VPS50: variants seen among roughly 807,000 people sequenced by gnomAD.
VPS50 encodes the protein VPS50 subunit of EARP/GARPII complex.
A neutral mutation model predicts 139.7 loss-of-function variants in VPS50; 70 were observed. That is an observed-to-expected ratio of 0.50 (90% CI 0.41 to 0.61). VPS50 has a LOEUF of 0.61. Among genes scored for constraint, VPS50 ranks in the 20% least tolerant of loss-of-function variants. The pLI is 0.00. For synonymous variants in VPS50, 365 were observed against 376.7 expected (o/e 0.97, Z 0.36); for missense variants, 921 against 1,133.7 (o/e 0.81, Z 2.69).
chr7:93,328,851 A>G (rs958636919), intron 21 of VPS50, among the ~76,000 whole-genome samples: 2 of 152,214 alleles, frequency 1.3e-5, no homozygotes, highest in Non-Finnish European at 2.9e-5. Flanking sequence ...CAGTCCACCT[A>G]TATCTCGGAC....
chr7:93,345,493 C>T (rs1449370372), intron 23 of VPS50, among the ~76,000 whole-genome samples: 2 of 152,166 alleles, frequency 1.3e-5, no homozygotes, highest in African/African-American at 2.4e-5. Flanking sequence ...CAGCATCATC[C>T]TGATACCAAA....
At chr7:93,337,159 G>A (rs1312269203) in intron 22 of VPS50, among the ~76,000 whole-genome samples, 1 of 152,102 alleles carries the variant, frequency 6.6e-6, no homozygotes, top group African/African-American at 2.4e-5. Context: ...TAGTCTTTAA[G>A]CAAATAATTA....
In VPS50 at chr7:93,358,402, C is replaced by T; in HGVS notation, c.2861C>T (p.Ala954Val). Residue 954 changes from alanine (A) to valine (V), a missense_variant, in exon 28 of 28, where the codon GCA becomes GTA. Around this residue, in one of 3 missense-constraint regions of VPS50, gnomAD observed 158 missense variants for 156.3 expected, o/e 1.01. Transcript: ENST00000305866. ...INKKARQKLL[A>V]AIDDIDRPKR ...AAGAAAGCAAGACAAAAACTTCTAG[C>T]AGCTATAGATGATATAGACAGACCT... 1 of 1,611,158 alleles carries T rather than the reference C, an allele frequency of 6.2e-7. No homozygotes were observed. The highest frequency in any genetic ancestry group is 8.5e-7 in the Non-Finnish European group (1 of 1,177,530).
chr7:93,296,879 C>G (rs1402465543), intron 15 of VPS50, 43 bp downstream of exon 15: 1 of 1,544,584 alleles, frequency 6.5e-7, no homozygotes, highest in South Asian at 1.2e-5. Flanking sequence ...TTGAGTCATT[C>G]AACCATGATA....
chr7:93,315,804 G>A (rs1797409836), intron 20 of VPS50, among the ~76,000 whole-genome samples: 1 of 148,662 alleles, frequency 6.7e-6, no homozygotes, highest in Non-Finnish European at 1.5e-5. Context: ...TTTTTGCCAT[G>A]TATATTGCAT....
At chr7:93,276,348 A>C (rs1363209415) in intron 12 of VPS50, 43 bp downstream of exon 12, 1 of 1,550,292 alleles carries the variant, frequency 6.5e-7, no homozygotes, top group Non-Finnish European at 8.8e-7. Context: ...TCTCCTTTAG[A>C]TTTTAAATTT....
chr7:93,263,897 A>T (rs1795762512), intron 9 of VPS50, among the ~76,000 whole-genome samples: 1 of 152,220 alleles, frequency 6.6e-6, no homozygotes, highest in South Asian at 2.1e-4. Context: ...CAATGCAATC[A>T]TAAAAATAAT....
At chr7:93,335,414 A>G (rs1798044735) in intron 22 of VPS50, among the ~76,000 whole-genome samples, 1 of 152,152 alleles carries the variant, frequency 6.6e-6, no homozygotes, top group Admixed American at 6.5e-5. Flanking sequence ...GGCACATAAC[A>G]TTGCTTCAGT....
Position 93,252,686 on chromosome 7 carries a change from G to A in VPS50, c.136G>A (p.Asp46Asn). 6.2e-7 allele frequency: 1 copy of A among 1,602,622 alleles called. No homozygotes were observed. The highest frequency in any genetic ancestry group is 8.5e-7 in the Non-Finnish European group (1 of 1,172,134). Reference protein sequence around the residue: ...EFRELREQPSDPQAEQELINS... With the variant: ...EFRELREQPSNPQAEQELINS... ...CAGGGAACTTCGAGAACAGCCAAGT[G>A]ACCCTCAAGCTGAACAAGAGCTTAT... is the stretch of plus-strand genomic sequence containing the variant. The change falls in exon 3 of 28, where the codon GAC becomes AAC. Residue 46 changes from aspartate to asparagine, a missense_variant. Transcript: ENST00000305866.
At chr7:93,266,446 A>G (rs941979697) in intron 9 of VPS50, among the ~76,000 whole-genome samples, 2 of 152,172 alleles carry the variant, frequency 1.3e-5, no homozygotes, top group Admixed American at 1.3e-4. Context: ...GTATAGTCAG[A>G]TTTGTTCAAA....
intron 4 of VPS50, among the ~76,000 whole-genome samples, chr7:93,254,436 T>A (rs991538417): frequency 6.6e-6 from 1 of 152,136 alleles, no homozygotes; most frequent in African/African-American, 2.4e-5. Flanking sequence ...GTCTGGCTAT[T>A]TTTTTAACGT....
chr7:93,341,287 C>A, intron 22 of VPS50, 140 bp from the exon 23 acceptor site: 1 of 572,194 alleles, frequency 1.7e-6, no homozygotes, highest in Non-Finnish European at 3.0e-6. Context: ...AACATGAAAG[C>A]AGGATAAAAA....
intron 9 of VPS50, among the ~76,000 whole-genome samples, chr7:93,261,153 A>G (rs1795658714): frequency 5.9e-5 from 9 of 152,216 alleles, no homozygotes; most frequent in South Asian, 4.1e-4. Flanking sequence ...AAGCAAATCC[A>G]TTTGAACCAA....
At position 93,361,016 on chromosome 7, in the gene VPS50, GTTAGA is replaced by G. The variant is rs2117107263; in HGVS notation, c.*2584_*2588del. 1 of 151,852 alleles carries G rather than the reference GTTAGA, an allele frequency of 6.6e-6. No homozygotes were observed. Among genetic ancestry groups the G allele is most frequent in the East Asian group, 1.9e-4 (1 of 5,188 alleles). The allele number at this position is 151,852 out of a possible 1,614,324, so 9.4% of individuals were successfully genotyped here. A position where few individuals can be genotyped will look rare whatever the true frequency, so the allele number is the denominator to read the frequency against. On this transcript the variant is annotated 3_prime_UTR_variant, in exon 28 of 28. Transcript: ENST00000305866. Reference sequence around the variant, plus strand: ...TAGCTGAGTGCTAAAGTGAAACTTTGTTAGATTAAATAGCTTTTTCTTAACTCACC... The same window carrying G: ...TAGCTGAGTGCTAAAGTGAAACTTTGTTAAATAGCTTTTTCTTAACTCACC...
At chr7:93,328,882 G>T (rs1797858200) in intron 21 of VPS50, among the ~76,000 whole-genome samples, 1 of 152,074 alleles carries the variant, frequency 6.6e-6, no homozygotes, top group African/African-American at 2.4e-5. Context: ...GTGATTCCAT[G>T]ATCCATGATT....
intron 21 of VPS50, among the ~76,000 whole-genome samples, chr7:93,330,866 T>C (rs1797920682): frequency 6.6e-6 from 1 of 151,890 alleles, no homozygotes; most frequent in African/African-American, 2.4e-5. Context: ...AGTTAGGTTG[T>C]CCTTAATTGC....
In VPS50 at chr7:93,358,518, G is replaced by A. The variant is rs1406118715; in HGVS notation, c.*82G>A. ...AAAGCCAGTTTTTTTATGCACTTCT[G>A]ACAACTATCTGCTAAGAAAACTTTG... On this transcript the variant is annotated 3_prime_UTR_variant, in exon 28 of 28. Coordinates refer to ENST00000305866, the MANE Select transcript of VPS50 (RefSeq NM_017667.4). The A allele has an allele frequency of 8.9e-7, 1 of 1,121,336 alleles. No homozygotes were observed. Among genetic ancestry groups the A allele is most frequent in the African/African-American group, 1.6e-5 (1 of 63,942 alleles). The allele number at this position is 1,121,336 out of a possible 1,614,324, so 69.5% of individuals were successfully genotyped here.
At position 93,272,683 on chromosome 7, in the gene VPS50, A is replaced by G; in HGVS notation, c.751A>G (p.Asn251Asp). 6.3e-7 allele frequency: 1 copy of G among 1,580,274 alleles called. No individual in the cohort carries two copies. Among genetic ancestry groups the G allele is most frequent in the Non-Finnish European group, 8.6e-7 (1 of 1,158,304 alleles). Residue 251 changes from asparagine (N) to aspartate (D), a missense_variant, in exon 11 of 28, where the codon AAC becomes GAC. By Grantham distance (23) the Asn-to-Asp change is conservative. Coordinates refer to ENST00000305866, the MANE Select transcript of VPS50 (RefSeq NM_017667.4). ...CAAAATCTGCAAGAATTTTGACATT[A>G]ACCATTATACCAAGGTTCAACAAGC... The part of the protein sequence containing the change: ...LSKICKNFDI[N>D]HYTKVQQAYR...
chr7:93,349,081 T>C (rs1389244452), intron 24 of VPS50, among the ~76,000 whole-genome samples: 1 of 151,866 alleles, frequency 6.6e-6, no homozygotes, highest in African/African-American at 2.4e-5. Context: ...GTGCCATGAG[T>C]GTATTTAACC....
Sources: gnomAD v4.1 joint callset for allele counts (sites outside exome capture counted in the v4.1 genomes callset) on GRCh38, gnomAD v4.1.1 for gene constraint, gnomAD v4.1.1 regional missense constraint, MANE v1.5 for transcripts, NCBI Gene and HGNC (gene_info 2026-07-23, HGNC 2026-07-21) for gene names.